TANC2: variants seen among roughly 807,000 people sequenced by gnomAD.
TANC2 encodes tetratricopeptide repeat, ankyrin repeat and coiled-coil containing 2.
Under a neutral mutation model 210.5 loss-of-function variants are expected in TANC2, and 26 were observed. The ratio of observed to expected loss-of-function variants is 0.12; its 90% CI spans 0.09 to 0.17. The LOEUF (loss-of-function observed/expected upper bound fraction) is 0.17, where lower values mean the gene tolerates loss of function less well. Among genes scored for constraint, TANC2 ranks in the 10% least tolerant of loss-of-function variants. The pLI, the probability that TANC2 is intolerant of heterozygous loss-of-function variation, is 1.00. For missense variants in TANC2, 2,129 were observed against 2,608.9 expected (o/e 0.82, Z 4.01); for synonymous variants, 931 against 967.1 (o/e 0.96, Z 0.69).
intron 1 of TANC2, among the ~76,000 whole-genome samples, chr17:62,991,658 A>C (rs2032874839): frequency 6.6e-6 from 1 of 151,934 alleles, no homozygotes. Context: ...AAAAAACAAA[A>C]AAACAAACAA....
Position 63,075,874 on chromosome 17 carries a change from A to G in TANC2, c.139+1860A>G, listed in dbSNP as rs567097906. Among the ~76,000 whole-genome samples, 20 of 152,312 alleles carry G rather than the reference A, an allele frequency of 1.3e-4. No individual in the cohort carries two copies. The South Asian group carries it at 3.3e-3, about 25-fold the overall frequency. On this transcript the variant is annotated intron_variant, in intron 3 of 27. Transcript: ENST00000689528. ...TGAGTTGAAATGAATGAGAAATAGT[A>G]TTAGGAGTAAAAGATGGGATGAGTA... is the stretch of plus-strand genomic sequence containing the variant.
chr17:63,373,092 C>T (rs776266115), intron 14 of TANC2, among the ~76,000 whole-genome samples: 8 of 151,746 alleles, frequency 5.3e-5, no homozygotes, highest in Non-Finnish European at 1.0e-4. Flanking sequence ...GATGGGGTCT[C>T]GCTATGGTAT....
rs533082042 is a variant in TANC2 at position 63,209,607 on chromosome 17, G to GT, written c.769+8657dup. Among the ~76,000 whole-genome samples the GT allele has an allele frequency of 2.9e-4, 44 of 151,690 alleles. No individual in the cohort carries two copies. In the East Asian group the frequency reaches 5.9e-3, roughly 20 times the overall value. ...CACCACCATGCCTGTCTAATTTTTTGTTTTTTTAGTAGAGACAGGGTTTCC... is the reference window on the plus strand; with the variant it reads ...CACCACCATGCCTGTCTAATTTTTTGTTTTTTTTAGTAGAGACAGGGTTTCC... On this transcript the variant is annotated intron_variant, in intron 7 of 27. Coordinates refer to ENST00000689528, the Ensembl canonical transcript of TANC2.
chr17:63,094,335 A>G (rs2037310397), intron 3 of TANC2, among the ~76,000 whole-genome samples: 1 of 152,128 alleles, frequency 6.6e-6, no homozygotes, highest in Non-Finnish European at 1.5e-5. Flanking sequence ...ATTTGGAATA[A>G]TTTAGGCAAA....
rs550114258 is a variant in TANC2, at chr17:63,311,893, C to T, written c.1160-2495C>T. ...TATGAAATGTCCAGAATAGGCAAACCTTTACAGGCAAAGTAGATTACTGAT... is the reference window on the plus strand; with the variant it reads ...TATGAAATGTCCAGAATAGGCAAACTTTTACAGGCAAAGTAGATTACTGAT... On this transcript the variant is annotated intron_variant, in intron 9 of 27. Coordinates refer to ENST00000689528, the Ensembl canonical transcript of TANC2. Among the ~76,000 whole-genome samples, 18 of 152,090 alleles carry T rather than the reference C, an allele frequency of 1.2e-4. 1 individual carries two copies. Among genetic ancestry groups the T allele is most frequent in the Admixed American group, 1.2e-3 (18 of 15,268 alleles).
At chr17:63,208,290 T>C (rs2041784480) in intron 7 of TANC2, among the ~76,000 whole-genome samples, 1 of 152,224 alleles carries the variant, frequency 6.6e-6, no homozygotes, top group African/African-American at 2.4e-5. Context: ...TCGCATGCAG[T>C]GTATTGCTGC....
intron 5 of TANC2, chr17:63,152,064 C>T (rs151209015): frequency 6.6e-6 from 1 of 152,200 alleles, no homozygotes; most frequent in African/African-American, 2.4e-5. Context: ...ATCCTTTACA[C>T]TCTCTCTACA....
At chr17:63,117,485 C>T (rs1003561053) in intron 4 of TANC2, among the ~76,000 whole-genome samples, 1 of 152,214 alleles carries the variant, frequency 6.6e-6, no homozygotes, top group Non-Finnish European at 1.5e-5. Flanking sequence ...CAGTGCTTCT[C>T]TGGATACAAA....
Position 63,405,126 on chromosome 17 carries a change from A to G in TANC2, c.3336A>G (p.Leu1112=), listed in dbSNP as rs779327677. 1.3e-5 allele frequency: 21 copies of G among 1,610,872 alleles called. No individual in the cohort carries two copies. The East Asian group carries it at 3.8e-4, about 29-fold the overall frequency. ...ATCTTTGTTCTCTGCCCTTAGCCCT[A>G]ACAGCTGCAGCCGGAAGGGGCAAAC... is the stretch of plus-strand genomic sequence containing the variant. Residue 1112 remains leucine, a synonymous_variant, in exon 20 of 28, where the codon CTA becomes CTG. Coordinates refer to ENST00000689528, the Ensembl canonical transcript of TANC2.
chr17:63,115,479 T>C (rs945568370), intron 4 of TANC2, among the ~76,000 whole-genome samples: 7 of 152,196 alleles, frequency 4.6e-5, no homozygotes, highest in Non-Finnish European at 1.0e-4. Context: ...TACATTATTA[T>C]ATTAAATAAT....
intron 5 of TANC2, among the ~76,000 whole-genome samples, chr17:63,171,380 G>C (rs2040400614): frequency 6.6e-6 from 1 of 152,044 alleles, no homozygotes; most frequent in Admixed American, 6.5e-5. Flanking sequence ...ACCGCACCCA[G>C]CCCCAAATCT....
chr17:63,075,291 T>C lies in TANC2; in HGVS notation c.139+1277T>C, dbSNP rs116486054. Among the ~76,000 whole-genome samples the C allele has an allele frequency of 4.1e-3, 623 of 152,278 alleles. 5 individuals carry two copies. Among genetic ancestry groups the C allele is most frequent in the African/African-American group, 0.013 (540 of 41,568 alleles). On this transcript the variant is annotated intron_variant, in intron 3 of 27. Coordinates refer to ENST00000689528, the Ensembl canonical transcript of TANC2. ...TAGATGTTTGAAATCACTTATCTAATTTACTCTGAGCTTTGTCAGTTAAAA... is the reference window on the plus strand; with the variant it reads ...TAGATGTTTGAAATCACTTATCTAACTTACTCTGAGCTTTGTCAGTTAAAA...
chr17:63,102,775 C>T (rs903868643), intron 4 of TANC2, among the ~76,000 whole-genome samples: 3 of 152,030 alleles, frequency 2.0e-5, no homozygotes, highest in Admixed American at 1.3e-4. Context: ...GTATGAGGGA[C>T]TAGAGTATCA....
intron 1 of TANC2, among the ~76,000 whole-genome samples, chr17:62,988,608 T>A (rs1311280183): frequency 1.3e-5 from 2 of 152,184 alleles, no homozygotes; most frequent in Non-Finnish European, 2.9e-5. Context: ...TACAGTGAGA[T>A]CATGTATTAA....
intron 8 of TANC2, among the ~76,000 whole-genome samples, chr17:63,261,399 T>C (rs1030910049): frequency 3.2e-4 from 48 of 152,180 alleles, no homozygotes; most frequent in African/African-American, 1.1e-3. Flanking sequence ...CTATACAAGA[T>C]TGGAAGAAAG....
At chr17:62,967,214 A>G (rs1300598433) in intron 1 of TANC2, 1 of 152,202 alleles carries the variant, frequency 6.6e-6, no homozygotes, top group Non-Finnish European at 1.5e-5. Flanking sequence ...CTGGGAAAGG[A>G]GGTGTAGCAT....
chr17:63,372,509 A>G (rs1162804334), intron 14 of TANC2, among the ~76,000 whole-genome samples: 1 of 152,124 alleles, frequency 6.6e-6, no homozygotes, highest in African/African-American at 2.4e-5. Flanking sequence ...TCATTCCTTT[A>G]GTTTAGCGTT....
chr17:62,995,517 G>A (rs1226902171), intron 1 of TANC2, among the ~76,000 whole-genome samples: 1 of 152,248 alleles, frequency 6.6e-6, no homozygotes, highest in East Asian at 1.9e-4. Context: ...TTGGCCACCA[G>A]ATGGCCCTGG....
At chr17:63,188,873 T>C (rs2145715372) in intron 5 of TANC2, among the ~76,000 whole-genome samples, 1 of 152,128 alleles carries the variant, frequency 6.6e-6, no homozygotes, top group Middle Eastern at 3.4e-3. Flanking sequence ...CTATCACCAC[T>C]AATTTTAGAG....
Sources: allele counts gnomAD v4.1 joint callset (sites outside exome capture counted in the v4.1 genomes callset), GRCh38; gene constraint gnomAD v4.1.1; transcripts MANE v1.5; gene names NCBI Gene and HGNC (gene_info 2026-07-23, HGNC 2026-07-21).